EHMT1: variants seen among roughly 807,000 people sequenced by gnomAD.
EHMT1 encodes euchromatic histone lysine methyltransferase 1.
EHMT1 carries 15 observed loss-of-function variants against 147.2 expected under a neutral mutation model. That is an observed-to-expected ratio of 0.10 (90% CI 0.07 to 0.16). The LOEUF is 0.16. EHMT1 is among the 10% of genes least tolerant of loss of function. The pLI, the probability that EHMT1 is intolerant of heterozygous loss-of-function variation, is 1.00. For synonymous variants in EHMT1, 795 were observed against 709.6 expected, an observed-to-expected ratio of 1.12 and a Z score of -1.91; for missense variants, 1,587 against 1,772.4, an observed-to-expected ratio of 0.90 and a Z score of 1.88.
At chr9:137,829,439 T>C (rs1304668832) in intron 25 of EHMT1, among the ~76,000 whole-genome samples, 3 of 152,212 alleles carry the variant, frequency 2.0e-5, no homozygotes, top group Non-Finnish European at 2.9e-5. Flanking sequence ...TTCATCCTTT[T>C]TTGCTGATAC....
intron 2 of EHMT1, among the ~76,000 whole-genome samples, chr9:137,712,661 T>G (rs1412171505): frequency 6.6e-6 from 1 of 152,354 alleles, no homozygotes; most frequent in African/African-American, 2.4e-5. Context: ...GTTCTTTATA[T>G]AAGCAGAAGT....
intron 14 of EHMT1, 98 bp downstream of exon 14, chr9:137,779,815 G>A (rs552889792): frequency 2.2e-5 from 31 of 1,383,986 alleles, no homozygotes; most frequent in Admixed American, 3.8e-5. Context: ...GGCTGGTCTC[G>A]TTTTGGTTTT....
chr9:137,790,956 C>G lies in EHMT1; in HGVS notation c.2491C>G (p.Leu831Val). 3 of 1,614,202 alleles carry G rather than the reference C, an allele frequency of 1.9e-6. No individual in the cohort carries two copies. Among genetic ancestry groups the G allele is most frequent in the Non-Finnish European group, 2.5e-6 (3 of 1,180,038 alleles). The change falls in exon 16 of 27, where the codon CTG (leucine) becomes GTG (valine). Residue 831 changes from leucine to valine, a missense_variant. Physicochemically the swap from Leu to Val is conservative, Grantham distance 32 (BLOSUM62 1). Coordinates refer to ENST00000460843, the MANE Select transcript of EHMT1 (RefSeq NM_024757.5). ...AVKYLIKAGA[L>V]VDPKDAEGST... ...GAAGTACCTCATCAAGGCTGGGGCC[C>G]TGGTGGATCCCAAGGTATGTTCCCC...
chr9:137,712,038 C>T (rs1038697601), intron 2 of EHMT1, among the ~76,000 whole-genome samples: 2 of 152,336 alleles, frequency 1.3e-5, no homozygotes, highest in African/African-American at 2.4e-5. Context: ...CCGCCTCTGC[C>T]GCTACCCCTA....
intron 23 of EHMT1, 105 bp downstream of exon 23, chr9:137,816,167 C>T (rs968280600): frequency 9.0e-6 from 9 of 1,002,564 alleles, no homozygotes; most frequent in African/African-American, 4.8e-5. Context: ...TGGATGCACG[C>T]ACATGTGTGT....
At chr9:137,715,858 T>C (rs1588316620) in intron 2 of EHMT1, 1 of 984,608 alleles carries the variant, frequency 1.0e-6, no homozygotes, top group East Asian at 1.1e-4. Flanking sequence ...CCATGTTTTA[T>C]TATAGCAGTG....
In EHMT1 at chr9:137,717,262, G is replaced by C. The variant is rs1945422265; in HGVS notation, c.642+80G>C. On this transcript the variant is annotated intron_variant, in intron 3 of 26. Coordinates refer to ENST00000460843, the MANE Select transcript of EHMT1 (RefSeq NM_024757.5). ...AACGGCAAATGGACTTTGGTGCATTGAGGAGAAGCCAGTAAGTGTCAGTGG... is the reference window on the plus strand; with the variant it reads ...AACGGCAAATGGACTTTGGTGCATTCAGGAGAAGCCAGTAAGTGTCAGTGG... 9.1e-6 allele frequency: 14 copies of C among 1,536,936 alleles called. No individual in the cohort carries two copies. The South Asian group carries it at 1.4e-4, about 15-fold the overall frequency.
chr9:137,673,210 A>G (rs954362748), intron 1 of EHMT1, among the ~76,000 whole-genome samples: 5 of 152,008 alleles, frequency 3.3e-5, no homozygotes, highest in African/African-American at 1.2e-4. Flanking sequence ...TTTATTGAGC[A>G]CCCCTTACTT....
intron 6 of EHMT1, among the ~76,000 whole-genome samples, chr9:137,744,395 C>T (rs921304592): frequency 5.9e-5 from 9 of 151,852 alleles, no homozygotes; most frequent in African/African-American, 2.2e-4. Flanking sequence ...GATCATAGCT[C>T]ACTGCACTCA....
At chr9:137,623,168 A>G (rs891270160) in intron 1 of EHMT1, among the ~76,000 whole-genome samples, 1 of 150,106 alleles carries the variant, frequency 6.7e-6, no homozygotes, top group Non-Finnish European at 1.5e-5. Context: ...AGCCAAGATC[A>G]TGCCACTGCA....
At chr9:137,749,858 G>A (rs3123511) in intron 6 of EHMT1, among the ~76,000 whole-genome samples, 27,892 of 152,100 alleles carry the variant, frequency 0.18, 6,619 homozygotes, top group African/African-American at 0.55. Context: ...CCAGTGACAT[G>A]AAAACTCCTG....
intron 1 of EHMT1, among the ~76,000 whole-genome samples, chr9:137,700,510 A>G (rs1312487473): frequency 1.3e-5 from 2 of 152,200 alleles, no homozygotes; most frequent in African/African-American, 4.8e-5. Flanking sequence ...TTCTAGAAGG[A>G]TGGTGGAGTC....
chr9:137,801,191 T>C (rs1048700678), intron 18 of EHMT1, among the ~76,000 whole-genome samples: 1 of 152,208 alleles, frequency 6.6e-6, no homozygotes, highest in Admixed American at 6.5e-5. Flanking sequence ...GGCCACCCTC[T>C]AGGGATCTGC....
chr9:137,703,582 G>C (rs1293967684), intron 1 of EHMT1, among the ~76,000 whole-genome samples: 1 of 152,112 alleles, frequency 6.6e-6, no homozygotes, highest in Non-Finnish European at 1.5e-5. Flanking sequence ...AGTGCCGCCT[G>C]TCTCTTTGCT....
intron 18 of EHMT1, among the ~76,000 whole-genome samples, chr9:137,809,465 C>T (rs963496725): frequency 6.6e-6 from 1 of 152,112 alleles, no homozygotes; most frequent in Non-Finnish European, 1.5e-5. Context: ...GCAGAGCCTG[C>T]GGGGTGGAGA....
At chr9:137,698,971 G>A (rs1214125406) in intron 1 of EHMT1, among the ~76,000 whole-genome samples, 1 of 151,800 alleles carries the variant, frequency 6.6e-6, no homozygotes, top group Non-Finnish European at 1.5e-5. Flanking sequence ...GGTAGAAATT[G>A]ATGGGGCAGG....
intron 25 of EHMT1, among the ~76,000 whole-genome samples, chr9:137,829,242 T>C (rs986870246): frequency 2.0e-5 from 3 of 152,226 alleles, no homozygotes; most frequent in Admixed American, 6.5e-5. Flanking sequence ...AGTTAAAAAA[T>C]AGAAGAAAAA....
At chr9:137,834,255 C>G in intron 25 of EHMT1, 94 bp from the exon 26 acceptor site, 1 of 1,528,706 alleles carries the variant, frequency 6.5e-7, no homozygotes, top group Non-Finnish European at 8.9e-7. Context: ...CGCCCAACTG[C>G]AGGCTCCGGG....
At chr9:137,818,267 C>G (rs145281244) in intron 25 of EHMT1, 129 bp downstream of exon 25, 7 of 1,014,780 alleles carry the variant, frequency 6.9e-6, no homozygotes, top group Non-Finnish European at 1.1e-5. Flanking sequence ...TGCTATAGAC[C>G]TGCTGAGTGC....
Sources: gnomAD v4.1 joint callset for allele counts (sites outside exome capture counted in the v4.1 genomes callset) on GRCh38, gnomAD v4.1.1 for gene constraint, MANE v1.5 for transcripts, NCBI Gene and HGNC (gene_info 2026-07-23, HGNC 2026-07-21) for gene names.